The following TMEM182 variants were observed in gnomAD, a reference collection of about 807,000 sequenced individuals.
The protein encoded by TMEM182 is transmembrane protein 182.
Under a neutral mutation model 26.8 loss-of-function variants are expected in TMEM182, and 20 were observed. The observed-to-expected ratio is 0.75, with a 90% CI of 0.53 to 1.09. The LOEUF (loss-of-function observed/expected upper bound fraction) is 1.09. Among genes scored for constraint, TMEM182 ranks in the 50% least tolerant of loss-of-function variants. The probability of loss-of-function intolerance (pLI) is 0.00; values close to 1 mark genes in which losing one functional copy is unlikely to be tolerated. For synonymous variants in TMEM182, 109 were observed against 102.2 expected, an observed-to-expected ratio of 1.07 and a Z score of -0.40; for missense variants, 277 against 275.5, an observed-to-expected ratio of 1.01 and a Z score of -0.04.
At chr2:102,793,853 C>T (rs1293454078) in intron 3 of TMEM182, among the ~76,000 whole-genome samples, 1 of 152,094 alleles carries the variant, frequency 6.6e-6, no homozygotes, top group South Asian at 2.1e-4. Flanking sequence ...AATACATGTT[C>T]CTATTGCTGA....
chr2:102,754,038 A>G (rs1679962487), intron 1 of TMEM182, among the ~76,000 whole-genome samples: 2 of 152,230 alleles, frequency 1.3e-5, no homozygotes, highest in African/African-American at 4.8e-5. Flanking sequence ...ACTGTAATAC[A>G]AAACTAATAT....
intron 3 of TMEM182, among the ~76,000 whole-genome samples, chr2:102,782,478 A>G (rs1681212565): frequency 6.6e-6 from 1 of 152,130 alleles, no homozygotes; most frequent in Non-Finnish European, 1.5e-5. Flanking sequence ...GAATGATGAA[A>G]ACATATATGG....
intron 3 of TMEM182, among the ~76,000 whole-genome samples, chr2:102,787,210 G>A (rs2104707445): frequency 6.6e-6 from 1 of 152,318 alleles, no homozygotes; most frequent in African/African-American, 2.4e-5. Context: ...AACTTGGACT[G>A]CTGTAACAAA....
upstream of TMEM182, among the ~76,000 whole-genome samples, chr2:102,760,083 A>T (rs796762836): frequency 2.6e-5 from 4 of 151,532 alleles, no homozygotes; most frequent in African/African-American, 9.7e-5. Context: ...AACGGCTAGA[A>T]TATACCCAGA....
At chr2:102,742,484 A>G (rs151098788) in intron 1 of TMEM182, among the ~76,000 whole-genome samples, 16 of 152,346 alleles carry the variant, frequency 1.1e-4, no homozygotes, top group Non-Finnish European at 1.8e-4. Flanking sequence ...GAATATCAAA[A>G]GGTTAAGAAA....
At chr2:102,808,974 G>T (rs1422534296) in intron 4 of TMEM182, among the ~76,000 whole-genome samples, 2 of 152,140 alleles carry the variant, frequency 1.3e-5, no homozygotes, top group Non-Finnish European at 2.9e-5. Flanking sequence ...TTAATTGGTT[G>T]TGGCTACACT....
intron 3 of TMEM182, among the ~76,000 whole-genome samples, chr2:102,767,006 A>G (rs1447301012): frequency 6.6e-6 from 1 of 152,238 alleles, no homozygotes; most frequent in Non-Finnish European, 1.5e-5. Context: ...CTGTCTTCAT[A>G]CAGCTGCTTA....
intron 1 of TMEM182, among the ~76,000 whole-genome samples, chr2:102,751,453 A>C (rs534009715): frequency 1.9e-4 from 29 of 152,148 alleles, no homozygotes; most frequent in Non-Finnish European, 2.9e-4. Flanking sequence ...CATTTTGAAC[A>C]TGCATAGTCC....
chr2:102,773,169 A>G (rs1269107160), intron 3 of TMEM182, among the ~76,000 whole-genome samples: 1 of 152,126 alleles, frequency 6.6e-6, no homozygotes, highest in African/African-American at 2.4e-5. Context: ...TATATGCCAG[A>G]CACTTATTTT....
At chr2:102,804,914 G>A (rs1573556080) in intron 4 of TMEM182, among the ~76,000 whole-genome samples, 1 of 152,168 alleles carries the variant, frequency 6.6e-6, no homozygotes, top group South Asian at 2.1e-4. Context: ...TACCTGCTTT[G>A]TAGACTCGCT....
intron 3 of TMEM182, among the ~76,000 whole-genome samples, chr2:102,791,321 G>A (rs1681626035): frequency 6.6e-6 from 1 of 152,178 alleles, no homozygotes; most frequent in Non-Finnish European, 1.5e-5. Context: ...AGAAAAATAT[G>A]AAATGATATA....
At chr2:102,821,312 G>T (rs1414113698), downstream of TMEM182, among the ~76,000 whole-genome samples, 1 of 152,162 alleles carries the variant, frequency 6.6e-6, no homozygotes, top group Non-Finnish European at 1.5e-5. Context: ...CCCAATGTTG[G>T]AGGTGGGGCT....
intron 3 of TMEM182, among the ~76,000 whole-genome samples, chr2:102,765,513 G>T (rs1209372214): frequency 6.6e-6 from 1 of 152,122 alleles, no homozygotes; most frequent in African/African-American, 2.4e-5. Flanking sequence ...TATTAAGCTG[G>T]TATTTGACCC....
intron 3 of TMEM182, among the ~76,000 whole-genome samples, chr2:102,791,151 G>C (rs1022786398): frequency 6.6e-6 from 1 of 152,108 alleles, no homozygotes; most frequent in Admixed American, 6.6e-5. Context: ...GGCCAGGCTG[G>C]TCTTGAACTC....
chr2:102,778,299 CTTATA>C (rs987826195), intron 3 of TMEM182, among the ~76,000 whole-genome samples: 61 of 151,910 alleles, frequency 4.0e-4, no homozygotes, highest in African/African-American at 1.3e-3. Context: ...TCTTCTTGAT[CTTATA>C]TTAATATAGT....
intron 3 of TMEM182, among the ~76,000 whole-genome samples, chr2:102,784,554 G>A (rs2732864): frequency 0.54 from 82,717 of 151,950 alleles, 23,157 homozygotes; most frequent in African/African-American, 0.67. Flanking sequence ...GGGTTTTTGG[G>A]TCTCGCGAAG....
intron 3 of TMEM182, among the ~76,000 whole-genome samples, chr2:102,786,211 T>G (rs1036595366): frequency 2.1e-4 from 9 of 42,150 alleles, no homozygotes; most frequent in African/African-American, 7.4e-4. Flanking sequence ...CAGCAATCTG[T>G]TTTTTTTTTT....
chr2:102,764,554 C>T (rs934916865), intron 3 of TMEM182, 127 bp downstream of exon 3: 2 of 631,038 alleles, frequency 3.2e-6, no homozygotes, highest in Non-Finnish European at 5.0e-6. Context: ...TTTTTGATAT[C>T]TGTTAGATTA....
intron 3 of TMEM182, among the ~76,000 whole-genome samples, chr2:102,838,502 A>T (rs1373680321): frequency 6.6e-6 from 1 of 152,332 alleles, no homozygotes; most frequent in African/African-American, 2.4e-5. Flanking sequence ...GGGCTCCAGG[A>T]TGGAAGGACC....
Sources: gnomAD v4.1 joint callset for allele counts (sites outside exome capture counted in the v4.1 genomes callset) on GRCh38, gnomAD v4.1.1 for gene constraint, MANE v1.5 for transcripts, NCBI Gene and HGNC (gene_info 2026-07-23, HGNC 2026-07-21) for gene names.